TMTC1: variants seen among roughly 807,000 people sequenced by gnomAD.
The protein encoded by TMTC1 is protein O-mannosyl-transferase TMTC1.
TMTC1 carries 73 observed loss-of-function variants against 104.8 expected under a neutral mutation model. That is an observed-to-expected ratio of 0.70 (90% CI 0.58 to 0.85). The LOEUF is 0.85. Ranked by LOEUF, TMTC1 falls within the 40% of genes least tolerant of loss-of-function variation. The probability of loss-of-function intolerance (pLI) is 0.00; values close to 1 mark genes in which losing one functional copy is unlikely to be tolerated. For synonymous variants in TMTC1, 434 were observed against 428.7 expected (o/e 1.01, Z -0.15); for missense variants, 1,035 against 1,096.1 (o/e 0.94, Z 0.79).
rs748154840 is a variant in TMTC1 at position 29,557,003 on chromosome 12, G to C, written c.1533-3C>G. The C allele has an allele frequency of 1.2e-6, 2 of 1,613,448 alleles. No individual in the cohort carries two copies. The highest frequency in any genetic ancestry group is 1.7e-6 in the Non-Finnish European group (2 of 1,179,828). On this transcript the variant is annotated splice_region_variant and splice_polypyrimidine_tract_variant and intron_variant, in intron 9 of 17. Transcript: ENST00000539277. The stretch of plus-strand genomic sequence containing the variant: ...CACTTGCATGGCGTGGATACAACCT[G>C]AAAAGTTAAAAATATTAAGCTGTGA...
chr12:29,659,969 C>T (rs886786684), intron 5 of TMTC1: 3 of 1,535,434 alleles, frequency 2.0e-6, no homozygotes, highest in African/African-American at 1.4e-5. Context: ...GACGGAAGTA[C>T]AAAATGACAA....
chr12:29,639,134 T>G (rs1321798827), intron 5 of TMTC1, among the ~76,000 whole-genome samples: 3 of 152,224 alleles, frequency 2.0e-5, no homozygotes, highest in Non-Finnish European at 4.4e-5. Flanking sequence ...TAAAGGGTAG[T>G]ATGATCTAGC....
At chr12:29,572,074 A>G in intron 9 of TMTC1, 31 bp downstream of exon 9, 2 of 1,570,866 alleles carry the variant, frequency 1.3e-6, no homozygotes, top group Non-Finnish European at 1.8e-6. Context: ...TTAAAGCACC[A>G]AGGCCAACAC....
intron 5 of TMTC1, among the ~76,000 whole-genome samples, chr12:29,704,392 A>C (rs1941683903): frequency 6.6e-6 from 1 of 152,236 alleles, no homozygotes; most frequent in South Asian, 2.1e-4. Context: ...GAATGATAGA[A>C]AGTCTGAATG....
chr12:29,641,126 C>T (rs553669963), intron 5 of TMTC1: 1 of 152,338 alleles, frequency 6.6e-6, no homozygotes, highest in East Asian at 1.9e-4. Context: ...ATGCCCAGCC[C>T]TACCCCCACC....
At chr12:29,723,775 A>T (rs1942304070) in intron 5 of TMTC1, among the ~76,000 whole-genome samples, 2 of 152,144 alleles carry the variant, frequency 1.3e-5, no homozygotes, top group African/African-American at 4.8e-5. Flanking sequence ...GTAAGTAGAA[A>T]TTTAATCTGT....
chr12:29,519,425 G>C (rs572846547), intron 12 of TMTC1: 1 of 152,246 alleles, frequency 6.6e-6, no homozygotes, highest in South Asian at 2.1e-4. Context: ...CAGAATGAAG[G>C]CCCTCTACTC....
In TMTC1 at chr12:29,506,708, T is replaced by C. The variant is rs1241766547; in HGVS notation, c.*138A>G. On this transcript the variant is annotated 3_prime_UTR_variant, in exon 18 of 18. Coordinates refer to ENST00000539277, the MANE Select transcript of TMTC1 (RefSeq NM_001193451.2). Reference sequence around the variant, plus strand: ...TTCAGCACTGGGCTACCAGCAGATGTCCCAAAATGTGTCACCCTGAACTCG... The same window carrying C: ...TTCAGCACTGGGCTACCAGCAGATGCCCCAAAATGTGTCACCCTGAACTCG... 1.8e-6 allele frequency: 2 copies of C among 1,104,210 alleles called. No homozygotes were observed. Among genetic ancestry groups the C allele is most frequent in the Non-Finnish European group, 1.3e-6 (1 of 754,840 alleles). 68.4% of individuals were successfully genotyped at this position (1,104,210 alleles called of 1,614,324 possible).
intron 1 of TMTC1, among the ~76,000 whole-genome samples, chr12:29,768,914 T>C (rs1943534708): frequency 6.6e-6 from 1 of 152,154 alleles, no homozygotes; most frequent in South Asian, 2.1e-4. Context: ...ATACACCCAA[T>C]TGATTCTGTG....
chr12:29,589,105 C>A (rs941795666), intron 7 of TMTC1, among the ~76,000 whole-genome samples: 1 of 152,184 alleles, frequency 6.6e-6, no homozygotes, highest in African/African-American at 2.4e-5. Context: ...TTATGTAAAG[C>A]CCCGATTTAC....
At chr12:29,553,696 T>G (rs1267809131) in intron 10 of TMTC1, among the ~76,000 whole-genome samples, 1 of 152,192 alleles carries the variant, frequency 6.6e-6, no homozygotes, top group Non-Finnish European at 1.5e-5. Flanking sequence ...AAATCCTGTG[T>G]TGGTTACCCA....
chr12:29,672,727 C>A (rs2136685865), intron 5 of TMTC1, among the ~76,000 whole-genome samples: 1 of 152,296 alleles, frequency 6.6e-6, no homozygotes, highest in Middle Eastern at 3.4e-3. Context: ...CACACGTACA[C>A]ACTGAGTTCT....
intron 5 of TMTC1, among the ~76,000 whole-genome samples, chr12:29,740,587 C>A (rs908675226): frequency 3.3e-5 from 5 of 152,086 alleles, no homozygotes; most frequent in African/African-American, 4.8e-5. Flanking sequence ...ACTTAATAAA[C>A]TCCCCTTTAG....
chr12:29,577,499 G>T (rs985204640), intron 8 of TMTC1, among the ~76,000 whole-genome samples: 1 of 152,132 alleles, frequency 6.6e-6, no homozygotes, highest in African/African-American at 2.4e-5. Flanking sequence ...ATGAGAACTT[G>T]TCACTCCTAT....
At chr12:29,695,430 C>A (rs1463944875) in intron 5 of TMTC1, among the ~76,000 whole-genome samples, 1 of 152,040 alleles carries the variant, frequency 6.6e-6, no homozygotes, top group Admixed American at 6.6e-5. Flanking sequence ...CCTCAGACTC[C>A]TGAGTAGCGG....
intron 5 of TMTC1, among the ~76,000 whole-genome samples, chr12:29,648,002 G>A (rs749999427): frequency 3.3e-5 from 5 of 152,214 alleles, no homozygotes; most frequent in Non-Finnish European, 7.3e-5. Flanking sequence ...CCAGTCCTAT[G>A]CAGAAGCCAT....
intron 1 of TMTC1, among the ~76,000 whole-genome samples, chr12:29,778,120 C>T (rs1943754156): frequency 1.3e-5 from 2 of 152,122 alleles, no homozygotes; most frequent in South Asian, 4.1e-4. Flanking sequence ...CATTTTAAAC[C>T]ACCCACTTTC....
At chr12:29,673,433 A>G (rs891409929) in intron 5 of TMTC1, among the ~76,000 whole-genome samples, 3 of 152,152 alleles carry the variant, frequency 2.0e-5, no homozygotes, top group African/African-American at 7.2e-5. Context: ...TTAAGTCTAC[A>G]TGATTATTTT....
chr12:29,504,999 T>C lies in TMTC1; in HGVS notation c.*1847A>G, dbSNP rs1161757043. 6.6e-6 allele frequency: 1 copy of C among 152,198 alleles called. No homozygotes were observed. Among genetic ancestry groups the C allele is most frequent in the African/African-American group, 2.4e-5 (1 of 41,452 alleles). 9.4% of individuals were successfully genotyped at this position (152,198 alleles called of 1,614,324 possible). A position where few individuals can be genotyped will look rare whatever the true frequency, so the allele number is the denominator to read the frequency against. On this transcript the variant is annotated 3_prime_UTR_variant, in exon 18 of 18. Transcript: ENST00000539277. ...TAAGGTTGTGGATACATTTATGTTA[T>C]ATAACATGAAAAAACTATTAGAAAC...
Sources: allele counts gnomAD v4.1 joint callset (sites outside exome capture counted in the v4.1 genomes callset), GRCh38; gene constraint gnomAD v4.1.1; transcripts MANE v1.5; gene names NCBI Gene and HGNC (gene_info 2026-07-23, HGNC 2026-07-21).